The following KATNBL1 variants were observed in gnomAD, a reference collection of about 807,000 sequenced individuals.
KATNBL1 encodes katanin regulatory subunit B1 like 1, also known as KATNB1-like protein 1.
A neutral mutation model predicts 44.7 loss-of-function variants in KATNBL1; 28 were observed. The observed-to-expected ratio is 0.63, with a 90% CI of 0.46 to 0.86. The LOEUF is 0.86. Ranked by LOEUF, KATNBL1 falls within the 40% of genes least tolerant of loss-of-function variation. The probability of loss-of-function intolerance (pLI) is 0.00; values close to 1 mark genes in which losing one functional copy is unlikely to be tolerated. For missense variants in KATNBL1, 272 were observed against 350.7 expected (o/e 0.78, Z 1.79); for synonymous variants, 78 against 114.9 (o/e 0.68, Z 2.06).
chr15:34,177,465 T>C (rs1158567701), intron 1 of KATNBL1, among the ~76,000 whole-genome samples: 1 of 151,608 alleles, frequency 6.6e-6, no homozygotes, highest in Non-Finnish European at 1.5e-5. Context: ...ACCAACATAG[T>C]GAAATCCACT....
At chr15:34,154,414 T>G (rs932766629) in intron 3 of KATNBL1, among the ~76,000 whole-genome samples, 1 of 152,262 alleles carries the variant, frequency 6.6e-6, no homozygotes, top group African/African-American at 2.4e-5. Context: ...TTAAGTTTTC[T>G]CATCAACTGT....
intron 1 of KATNBL1, among the ~76,000 whole-genome samples, chr15:34,167,209 A>G (rs943720208): frequency 1.3e-5 from 2 of 152,234 alleles, no homozygotes; most frequent in African/African-American, 4.8e-5. Context: ...AAAAAAGGTT[A>G]GACAAATGGT....
intron 1 of KATNBL1, among the ~76,000 whole-genome samples, chr15:34,182,908 T>C (rs1011057944): frequency 1.3e-5 from 2 of 152,198 alleles, no homozygotes; most frequent in Admixed American, 1.3e-4. Flanking sequence ...TGTATTTTGA[T>C]TGTGGTGGTA....
intron 4 of KATNBL1, among the ~76,000 whole-genome samples, chr15:34,150,735 G>A (rs946909436): frequency 6.6e-6 from 1 of 152,208 alleles, no homozygotes; most frequent in African/African-American, 2.4e-5. Context: ...CTGATAAGTA[G>A]TTTTTTGATC....
chr15:34,204,480 C>T (rs547779919), intron 1 of KATNBL1, among the ~76,000 whole-genome samples: 22 of 152,280 alleles, frequency 1.4e-4, no homozygotes, highest in African/African-American at 4.8e-4. Context: ...GTCAGCCTTC[C>T]GTATTCATGG....
chr15:34,193,528 T>C (rs1597460344), intron 1 of KATNBL1, among the ~76,000 whole-genome samples: 2 of 151,990 alleles, frequency 1.3e-5, no homozygotes, highest in African/African-American at 4.8e-5. Context: ...AGCAAGACTC[T>C]TGTCTCAAAA....
intron 9 of KATNBL1, among the ~76,000 whole-genome samples, chr15:34,144,706 G>C (rs1230460804): frequency 6.6e-6 from 1 of 151,962 alleles, no homozygotes. Flanking sequence ...GAGTAGCTGG[G>C]ATTACAGGCA....
At chr15:34,175,067 T>C (rs555672401) in intron 1 of KATNBL1, among the ~76,000 whole-genome samples, 1 of 151,130 alleles carries the variant, frequency 6.6e-6, no homozygotes, top group Admixed American at 6.6e-5. Flanking sequence ...CAGGGCAACA[T>C]ACTAAGATTC....
chr15:34,157,595 G>A (rs765446278), intron 2 of KATNBL1, among the ~76,000 whole-genome samples: 1 of 152,194 alleles, frequency 6.6e-6, no homozygotes, highest in Non-Finnish European at 1.5e-5. Flanking sequence ...AATGTCAGCA[G>A]CGGAGTGCAA....
chr15:34,147,562 TG>T (rs917313464), intron 5 of KATNBL1, 132 bp from the exon 6 acceptor site: 42 of 720,966 alleles, frequency 5.8e-5, no homozygotes, highest in Non-Finnish European at 8.9e-5. Context: ...GAGTCATGTC[TG>T]TGGATACAGC....
At chr15:34,174,816 AT>A (rs1355147779) in intron 1 of KATNBL1, among the ~76,000 whole-genome samples, 2 of 151,934 alleles carry the variant, frequency 1.3e-5, no homozygotes, top group Non-Finnish European at 2.9e-5. Context: ...TAATTTTTCT[AT>A]TTTTAGTCGA....
chr15:34,172,406 G>C (rs114133108), intron 1 of KATNBL1, among the ~76,000 whole-genome samples: 10,288 of 151,708 alleles, frequency 0.068, 389 homozygotes, highest in Middle Eastern at 0.1. Flanking sequence ...ACGGGCTCCC[G>C]TCACCATGCC....
Position 34,169,140 on chromosome 15 carries a change from T to G in KATNBL1, c.-14-5450A>C, listed in dbSNP as rs1889077958. On this transcript the variant is annotated intron_variant, in intron 1 of 9. Transcript: ENST00000256544. Reference sequence around the variant, plus strand: ...ACAAAAACCCTTCAAAAAAAATCAATGAATCCAGGAGCTGGTTTTTTGAAA... The same window carrying G: ...ACAAAAACCCTTCAAAAAAAATCAAGGAATCCAGGAGCTGGTTTTTTGAAA... Among the ~76,000 whole-genome samples the G allele has an allele frequency of 2.0e-5, 3 of 152,202 alleles. No individual in the cohort carries two copies. The South Asian group carries it at 6.2e-4, about 32-fold the overall frequency.
At chr15:34,166,300 G>T (rs186115348) in intron 1 of KATNBL1, among the ~76,000 whole-genome samples, 136 of 152,320 alleles carry the variant, frequency 8.9e-4, no homozygotes, top group Middle Eastern at 3.4e-3. Flanking sequence ...TGCCTGGCTC[G>T]GCAGGTCCCA....
At chr15:34,209,865 G>A (rs1487968347) in intron 1 of KATNBL1, 86 bp downstream of exon 1, 2 of 151,118 alleles carry the variant, frequency 1.3e-5, no homozygotes, top group East Asian at 3.9e-4. Context: ...GGTGGGCCCA[G>A]GGCGCGGCCA....
intron 1 of KATNBL1, among the ~76,000 whole-genome samples, chr15:34,195,473 G>A (rs1890003809): frequency 6.6e-6 from 1 of 152,100 alleles, no homozygotes; most frequent in African/African-American, 2.4e-5. Flanking sequence ...CTTGCTTGAT[G>A]GGTAAAATGC....
chr15:34,196,129 A>G (rs933791362), intron 1 of KATNBL1, among the ~76,000 whole-genome samples: 13 of 152,220 alleles, frequency 8.5e-5, no homozygotes, highest in African/African-American at 3.1e-4. Context: ...TTTAAAATCT[A>G]AAAATCAGCC....
chr15:34,165,789 G>A (rs977873318), intron 1 of KATNBL1: 1 of 152,012 alleles, frequency 6.6e-6, no homozygotes, highest in Non-Finnish European at 1.5e-5. Flanking sequence ...GCAAGACTCT[G>A]TCTCGAAAAA....
At chr15:34,183,028 G>A (rs972203995) in intron 1 of KATNBL1, among the ~76,000 whole-genome samples, 1 of 152,194 alleles carries the variant, frequency 6.6e-6, no homozygotes, top group Non-Finnish European at 1.5e-5. Context: ...TGGATACCTG[G>A]CATTTGCTTG....
Sources: allele counts gnomAD v4.1 joint callset (sites outside exome capture counted in the v4.1 genomes callset), GRCh38; gene constraint gnomAD v4.1.1; transcripts MANE v1.5; gene names NCBI Gene and HGNC (gene_info 2026-07-23, HGNC 2026-07-21).